WDPCP: variants seen among roughly 807,000 people sequenced by gnomAD.
WDPCP encodes WD repeat containing planar cell polarity effector.
WDPCP carries 71 observed loss-of-function variants against 93.1 expected under a neutral mutation model. The observed-to-expected ratio is 0.76, with a 90% CI of 0.63 to 0.93. The LOEUF (loss-of-function observed/expected upper bound fraction) is 0.93. WDPCP is among the 40% of genes least tolerant of loss of function. The pLI is 0.00. For missense variants in WDPCP, 844 were observed against 887.4 expected, an observed-to-expected ratio of 0.95 and a Z score of 0.62; for synonymous variants, 315 against 315.0, an observed-to-expected ratio of 1.00 and a Z score of 0.00.
At chr2:63,302,492 A>T (rs1685406961) in intron 13 of WDPCP, among the ~76,000 whole-genome samples, 1 of 152,174 alleles carries the variant, frequency 6.6e-6, no homozygotes, top group Non-Finnish European at 1.5e-5. Flanking sequence ...CCAACTTTGG[A>T]AAAATTAATT....
At chr2:63,323,421 G>T (rs1018562585) in intron 12 of WDPCP, among the ~76,000 whole-genome samples, 26 of 152,252 alleles carry the variant, frequency 1.7e-4, no homozygotes, top group African/African-American at 5.1e-4. Flanking sequence ...TCGTAGGGGG[G>T]ACTATCTGGA....
chr2:63,263,021 T>C (rs185158418), intron 13 of WDPCP, among the ~76,000 whole-genome samples: 75 of 152,334 alleles, frequency 4.9e-4, no homozygotes, highest in Non-Finnish European at 9.6e-4. Context: ...CTGATTCACT[T>C]GTGGACCTCC....
At chr2:63,683,495 CATT>C (rs1481026829) in intron 2 of WDPCP, among the ~76,000 whole-genome samples, 2 of 151,872 alleles carry the variant, frequency 1.3e-5, no homozygotes, top group Non-Finnish European at 2.9e-5. Flanking sequence ...ATATTTATCA[CATT>C]ATATTTATCA....
chr2:63,155,008 G>T (rs1260506059), intron 15 of WDPCP, among the ~76,000 whole-genome samples: 1 of 152,098 alleles, frequency 6.6e-6, no homozygotes, highest in East Asian at 1.9e-4. Flanking sequence ...TTACTGTTGA[G>T]CTTTGAGAGT....
At chr2:63,510,967 C>A (rs1013521990) in intron 1 of WDPCP, among the ~76,000 whole-genome samples, 3 of 152,130 alleles carry the variant, frequency 2.0e-5, no homozygotes, top group African/African-American at 7.2e-5. Context: ...CAGAGCAAGA[C>A]ACCGTCTCAA....
At chr2:63,595,433 T>C in intron 3 of WDPCP, 1 of 1,607,132 alleles carries the variant, frequency 6.2e-7, no homozygotes, top group Non-Finnish European at 8.5e-7. Context: ...CCTATAATTC[T>C]TGTGCTGTTG....
At chr2:63,708,331 C>A (rs1575753785) in intron 2 of WDPCP, among the ~76,000 whole-genome samples, 1 of 152,136 alleles carries the variant, frequency 6.6e-6, no homozygotes, top group East Asian at 1.9e-4. Context: ...CAATGGCGGG[C>A]CCCCCTCCCC....
At chr2:63,132,020 G>A (rs1040954131) in intron 17 of WDPCP, among the ~76,000 whole-genome samples, 14 of 151,804 alleles carry the variant, frequency 9.2e-5, no homozygotes, top group African/African-American at 3.4e-4. Context: ...ATTTTTAGTA[G>A]AGATGGGGTT....
At chr2:63,413,307 T>C (rs1216105069) in intron 9 of WDPCP, among the ~76,000 whole-genome samples, 5 of 152,176 alleles carry the variant, frequency 3.3e-5, no homozygotes, top group African/African-American at 1.2e-4. Context: ...GCTAGGATAA[T>C]TGGCTAGCCA....
intron 2 of WDPCP, among the ~76,000 whole-genome samples, chr2:63,811,786 G>A (rs1431540671): frequency 6.6e-6 from 1 of 152,010 alleles, no homozygotes; most frequent in East Asian, 1.9e-4. Flanking sequence ...GGAGTCCCCA[G>A]TGTCTACTGT....
intron 4 of WDPCP, 55 bp downstream of exon 4, chr2:63,486,487 T>A: frequency 1.4e-6 from 2 of 1,469,838 alleles, no homozygotes; most frequent in Non-Finnish European, 1.9e-6. Context: ...GAATATTTTA[T>A]AATACTGAAC....
intron 2 of WDPCP, among the ~76,000 whole-genome samples, chr2:63,715,520 C>T (rs1160362395): frequency 1.3e-5 from 2 of 152,154 alleles, no homozygotes; most frequent in Admixed American, 6.5e-5. Flanking sequence ...AAAAGAGAAA[C>T]AATACCCAGT....
At chr2:63,339,461 C>T (rs1331154107) in intron 12 of WDPCP, among the ~76,000 whole-genome samples, 2 of 152,178 alleles carry the variant, frequency 1.3e-5, no homozygotes, top group African/African-American at 2.4e-5. Context: ...GTGTGAGCCA[C>T]CGTGCACAGC....
chr2:63,588,062 T>A, intron 1 of WDPCP, 135 bp downstream of exon 1: 1 of 1,108,450 alleles, frequency 9.0e-7, no homozygotes, highest in Non-Finnish European at 1.3e-6. Context: ...ACAGCCCTCA[T>A]ACTCCGCTCA....
chr2:63,334,870 G>A (rs1688238518), intron 12 of WDPCP, among the ~76,000 whole-genome samples: 1 of 152,038 alleles, frequency 6.6e-6, no homozygotes, highest in Non-Finnish European at 1.5e-5. Flanking sequence ...TTCACAATTT[G>A]CCCACGAGGA....
At chr2:63,662,109 A>G (rs1161946988) in intron 2 of WDPCP, among the ~76,000 whole-genome samples, 1 of 152,192 alleles carries the variant, frequency 6.6e-6, no homozygotes, top group Non-Finnish European at 1.5e-5. Flanking sequence ...AATGAGGCAC[A>G]AAGAGGTCAA....
At chr2:63,804,008 T>A (rs1247951882) in intron 2 of WDPCP, among the ~76,000 whole-genome samples, 1 of 152,208 alleles carries the variant, frequency 6.6e-6, no homozygotes, top group Non-Finnish European at 1.5e-5. Context: ...AAAATTGGCA[T>A]TGAATTGAAA....
At chr2:63,338,561 AAAAAAAAAATATATATATATAT>A (rs1263141613) in intron 12 of WDPCP, among the ~76,000 whole-genome samples, 3,963 of 74,662 alleles carry the variant, frequency 0.053, 273 homozygotes, top group African/African-American at 0.081. Context: ...TAAAAAAAAA[AAAAAAAAAATATATATATATAT>A]ATATATATAT....
At chr2:63,549,042 A>C (rs1705365932) in intron 1 of WDPCP, among the ~76,000 whole-genome samples, 1 of 152,020 alleles carries the variant, frequency 6.6e-6, no homozygotes, top group African/African-American at 2.4e-5. Context: ...TGAGGTCAGG[A>C]GTTCAAGACC....
Sources: gnomAD v4.1 joint callset for allele counts (sites outside exome capture counted in the v4.1 genomes callset) on GRCh38, gnomAD v4.1.1 for gene constraint, MANE v1.5 for transcripts, NCBI Gene and HGNC (gene_info 2026-07-23, HGNC 2026-07-21) for gene names.